Variants in PDE3A observed in about 807,000 individuals in gnomAD.
PDE3A encodes cGMP-inhibited 3',5'-cyclic phosphodiesterase 3A.
PDE3A carries 43 observed loss-of-function variants against 98.3 expected under a neutral mutation model. The ratio of observed to expected loss-of-function variants is 0.44; its 90% CI spans 0.34 to 0.56. The LOEUF (loss-of-function observed/expected upper bound fraction) is 0.56. Ranked by LOEUF, PDE3A falls within the 20% of genes least tolerant of loss-of-function variation. PDE3A has a pLI of 0.01. For missense variants in PDE3A, 1,427 were observed against 1,440.7 expected, an observed-to-expected ratio of 0.99 and a Z score of 0.15; for synonymous variants, 663 against 567.9, an observed-to-expected ratio of 1.17 and a Z score of -2.38.
At chr12:20,674,642 T>C (rs1424521710) in intron 15 of PDE3A, among the ~76,000 whole-genome samples, 4 of 152,266 alleles carry the variant, frequency 2.6e-5, no homozygotes, top group African/African-American at 9.6e-5. Context: ...TTATTATTGG[T>C]CTATTTAGGT....
chr12:20,403,480 G>A (rs1944171708), intron 1 of PDE3A, among the ~76,000 whole-genome samples: 1 of 152,146 alleles, frequency 6.6e-6, no homozygotes, highest in African/African-American at 2.4e-5. Flanking sequence ...GAGGGTGACA[G>A]TATATTTTTC....
chr12:20,395,252 G>A (rs1452257474), intron 1 of PDE3A, among the ~76,000 whole-genome samples: 1 of 151,868 alleles, frequency 6.6e-6, no homozygotes. Flanking sequence ...TTGCTTGGAT[G>A]AATAAAATTG....
At chr12:20,399,209 A>T (rs1944076725) in intron 1 of PDE3A, among the ~76,000 whole-genome samples, 1 of 152,144 alleles carries the variant, frequency 6.6e-6, no homozygotes, top group Non-Finnish European at 1.5e-5. Flanking sequence ...TATTTTGTTT[A>T]TCCATTTATT....
rs896346443 is a variant in PDE3A, at chr12:20,552,216, G to A, written c.961-4444G>A. On this transcript the variant is annotated intron_variant, in intron 1 of 15. Coordinates refer to ENST00000359062, the MANE Select transcript of PDE3A (RefSeq NM_000921.5). This position sits in a 1 kb window ranked among gnomAD's most constrained non-coding sequence, Gnocchi z 5.1. Reference sequence around the variant, plus strand: ...GGGCCGAGGCCAAGGACTGGCGGTCGGGGAAGCCGGTCAGGGTGGTGCGCA... The same window carrying A: ...GGGCCGAGGCCAAGGACTGGCGGTCAGGGAAGCCGGTCAGGGTGGTGCGCA... The A allele has an allele frequency of 1.1e-5, 18 of 1,613,820 alleles. No homozygotes were observed. The Middle Eastern group carries it at 5.0e-4, about 45-fold the overall frequency.
intron 2 of PDE3A, among the ~76,000 whole-genome samples, chr12:20,606,851 CAAA>C (rs370189687): frequency 6.7e-5 from 5 of 74,642 alleles, no homozygotes; most frequent in East Asian, 3.9e-4. Context: ...AGCTCCATCT[CAAA>C]AAAAAAAAAA....
In PDE3A at chr12:20,535,284, G is replaced by C. The variant is rs138117646; in HGVS notation, c.961-21376G>C. On this transcript the variant is annotated intron_variant, in intron 1 of 15. Coordinates refer to ENST00000359062, the MANE Select transcript of PDE3A (RefSeq NM_000921.5). Reference sequence around the variant, plus strand: ...TTAAAACCCAACTCAAGCATTACATGCTTTCTTTAGCTCAGTTTTCACTGA... The same window carrying C: ...TTAAAACCCAACTCAAGCATTACATCCTTTCTTTAGCTCAGTTTTCACTGA... Among the ~76,000 whole-genome samples the C allele has an allele frequency of 1.7e-3, 260 of 152,232 alleles. 2 individuals carry two copies. The highest frequency in any genetic ancestry group is 5.9e-3 in the African/African-American group (246 of 41,548).
At chr12:20,465,132 G>C (rs968004099) in intron 1 of PDE3A, among the ~76,000 whole-genome samples, 5 of 152,092 alleles carry the variant, frequency 3.3e-5, no homozygotes, top group Non-Finnish European at 7.4e-5. Context: ...CCAGGTCTAA[G>C]TTCATCAAAT....
At chr12:20,601,261 TG>T (rs1943584908) in intron 2 of PDE3A, among the ~76,000 whole-genome samples, 3 of 151,420 alleles carry the variant, frequency 2.0e-5, no homozygotes, top group African/African-American at 7.3e-5. Context: ...TTTGTTTGTT[TG>T]TTTTTTGGCT....
chr12:20,645,867 A>G (rs1944764485), intron 10 of PDE3A, among the ~76,000 whole-genome samples: 1 of 152,124 alleles, frequency 6.6e-6, no homozygotes, highest in Non-Finnish European at 1.5e-5. Context: ...ATTATACAAG[A>G]GGCTTTTCTT....
chr12:20,679,566 C>T (rs558526824), intron 15 of PDE3A, among the ~76,000 whole-genome samples: 1 of 152,132 alleles, frequency 6.6e-6, no homozygotes, highest in African/African-American at 2.4e-5. Context: ...ATTTTTTAGT[C>T]CACATGAAGC....
chr12:20,491,085 A>G (rs1304016205), intron 1 of PDE3A, among the ~76,000 whole-genome samples: 1 of 152,222 alleles, frequency 6.6e-6, no homozygotes, highest in Non-Finnish European at 1.5e-5. Flanking sequence ...ACTCAAAAAA[A>G]TCCTTTAATA....
At chr12:20,650,039 T>TA (rs1944879533) in intron 13 of PDE3A, among the ~76,000 whole-genome samples, 1 of 152,244 alleles carries the variant, frequency 6.6e-6, no homozygotes, top group Non-Finnish European at 1.5e-5. Context: ...ACATGGTAGG[T>TA]ATATATATTT....
In PDE3A at chr12:20,687,924, A is replaced by AAC. The variant is rs1299332574; in HGVS notation, c.*7654_*7655insCA. On this transcript the variant is annotated 3_prime_UTR_variant, in exon 16 of 16. Transcript: ENST00000359062. Reference sequence around the variant, plus strand: ...TACCTCTTCCCAACAGAAAAAAAAAAAAAAAAAAAAAAACTGGCATTGGCA... The same window carrying AAC: ...TACCTCTTCCCAACAGAAAAAAAAAAACAAAAAAAAAAAAACTGGCATTGGCA... 6.6e-6 allele frequency among the ~76,000 whole-genome samples: 1 copy of AAC among 150,496 alleles called. No individual in the cohort carries two copies. Among genetic ancestry groups the AAC allele is most frequent in the Admixed American group, 6.6e-5 (1 of 15,110 alleles).
At chr12:20,560,823 G>A (rs1470474956) in intron 2 of PDE3A, among the ~76,000 whole-genome samples, 3 of 152,018 alleles carry the variant, frequency 2.0e-5, no homozygotes, top group Admixed American at 6.6e-5. Context: ...GGTCCTTTTG[G>A]CACTTCTTTA....
chr12:20,552,675 C>T lies in PDE3A; in HGVS notation c.961-3985C>T. 6 of 1,613,996 alleles carry T rather than the reference C, an allele frequency of 3.7e-6. No individual in the cohort carries two copies. The highest frequency in any genetic ancestry group is 5.1e-6 in the Non-Finnish European group (6 of 1,179,878). ...ACAGTCTCACGGCCCAGCAGAGCAG[C>T]CTCATCAGAGAGGACAAGAGCAACG... On this transcript the variant is annotated intron_variant, in intron 1 of 15. Coordinates refer to ENST00000359062, the MANE Select transcript of PDE3A (RefSeq NM_000921.5). This position sits in a 1 kb window ranked among gnomAD's most constrained non-coding sequence, Gnocchi z 5.1.
At chr12:20,592,470 A>G (rs961270321) in intron 2 of PDE3A, among the ~76,000 whole-genome samples, 14 of 152,058 alleles carry the variant, frequency 9.2e-5, no homozygotes, top group Admixed American at 9.2e-4. Flanking sequence ...TGTTCACTCT[A>G]TTTTTTTCCT....
At chr12:20,535,667 T>A (rs1317930405) in intron 1 of PDE3A, among the ~76,000 whole-genome samples, 1 of 152,168 alleles carries the variant, frequency 6.6e-6, no homozygotes, top group Non-Finnish European at 1.5e-5. Flanking sequence ...TTGATATGCT[T>A]ACATATTTTT....
At chr12:20,530,489 CTTT>C (rs35355077) in intron 1 of PDE3A, among the ~76,000 whole-genome samples, 3 of 143,814 alleles carry the variant, frequency 2.1e-5, no homozygotes, top group Non-Finnish European at 3.0e-5. Flanking sequence ...CTATACAATA[CTTT>C]TTTTTTTTTT....
intron 1 of PDE3A, among the ~76,000 whole-genome samples, chr12:20,475,580 A>G (rs112569415): frequency 0.04 from 6,076 of 152,054 alleles, 172 homozygotes; most frequent in Middle Eastern, 0.065. Flanking sequence ...AAATACAAAA[A>G]TTAGCCAGAC....
Sources: gnomAD v4.1 joint callset for allele counts (sites outside exome capture counted in the v4.1 genomes callset) on GRCh38, gnomAD v4.1.1 for gene constraint, Gnocchi (gnomAD v3.1) non-coding constraint, MANE v1.5 for transcripts, NCBI Gene and HGNC (gene_info 2026-07-23, HGNC 2026-07-21) for gene names.